Variants in RIF1 observed in about 807,000 individuals in gnomAD.
RIF1 encodes the protein telomere-associated protein RIF1.
A neutral mutation model predicts 247.1 loss-of-function variants in RIF1; 45 were observed. The observed-to-expected ratio is 0.18, with a 90% confidence interval of 0.14 to 0.23. RIF1 has a LOEUF of 0.23. Among genes scored for constraint, RIF1 ranks in the 10% least tolerant of loss-of-function variants. RIF1 has a pLI of 1.00. For missense variants in RIF1, 2,967 were observed against 2,862.5 expected (o/e 1.04, Z -0.83); for synonymous variants, 1,087 against 978.8 (o/e 1.11, Z -2.06).
At chr2:151,433,022 A>T in intron 9 of RIF1, 55 bp from the exon 10 acceptor site, 1 of 1,365,498 alleles carries the variant, frequency 7.3e-7, no homozygotes, top group Non-Finnish European at 1.0e-6. Flanking sequence ...AGCTAGTGTT[A>T]GAGTTAATCT....
intron 32 of RIF1, 37 bp downstream of exon 32, chr2:151,468,588 T>C (rs764808001): frequency 3.2e-5 from 51 of 1,604,282 alleles, no homozygotes; most frequent in Non-Finnish European, 4.3e-5. Flanking sequence ...ACTTTATATT[T>C]TCATGTTCAG....
At chr2:151,522,273 G>C in the RIF1 span, among the ~76,000 whole-genome samples, 1 of 152,154 alleles carries the variant, frequency 6.6e-6, no homozygotes, top group Admixed American at 6.5e-5. Context: ...CCGAGAATTA[G>C]AAAAGCTATT....
intron 9 of RIF1, chr2:151,494,191 T>A: frequency 6.2e-7 from 1 of 1,608,232 alleles, no homozygotes; most frequent in African/African-American, 1.3e-5. Context: ...TGCGTTTGAC[T>A]CTCTGCATCT....
At chr2:151,439,667 C>CAAA (rs34523432) in intron 14 of RIF1, among the ~76,000 whole-genome samples, 1 of 109,938 alleles carries the variant, frequency 9.1e-6, no homozygotes, top group African/African-American at 3.3e-5. Flanking sequence ...GAAACTCCAT[C>CAAA]AAAAAAAAAA....
Position 151,473,133 on chromosome 2 carries a change from G to A in RIF1, c.7096-831G>A, listed in dbSNP as rs2048684293. ...CTGCTGTGTCTGCAAGTTTTTATAT[G>A]GATAGATGATTTCATTTCTCTTGTA... is the stretch of plus-strand genomic sequence containing the variant. On this transcript the variant is annotated intron_variant, in intron 34 of 35. Coordinates refer to ENST00000444746, the MANE Select transcript of RIF1 (RefSeq NM_018151.5). Among the ~76,000 whole-genome samples the A allele has an allele frequency of 2.6e-5, 4 of 152,096 alleles. No homozygotes were observed. In the South Asian group the frequency reaches 8.3e-4, roughly 32 times the overall value.
rs369324532 is a variant in RIF1, at chr2:151,463,137, C to A, written c.3617C>A (p.Thr1206Asn). 1.6e-4 allele frequency: 253 copies of A among 1,613,956 alleles called. No individual in the cohort carries two copies. The highest frequency in any genetic ancestry group is 4.9e-4 in the Middle Eastern group (3 of 6,084). The change falls in exon 30 of 36, where the codon ACT becomes AAT. Residue 1206 changes from threonine (T) to asparagine (N), a missense_variant. Coordinates refer to ENST00000444746, the MANE Select transcript of RIF1 (RefSeq NM_018151.5). ...AGCAGTAGTTCAGTTTCTAATACCA[C>A]TGTTGCTGGAACTCCCCCATACCCT... ...VVSSSSVSNT[T>N]VAGTPPYPTS...
intron 10 of RIF1, chr2:151,497,066 C>G: frequency 3.9e-6 from 6 of 1,545,576 alleles, no homozygotes; most frequent in Non-Finnish European, 3.5e-6. Flanking sequence ...GAAAAACAAC[C>G]ATGAGTAACA....
chr2:151,485,859 G>A (rs2049826815), downstream of RIF1: 4 of 1,614,000 alleles, frequency 2.5e-6, no homozygotes, highest in Non-Finnish European at 3.4e-6. Context: ...GAACATTTAT[G>A]ATGGCATCTC....
intron 10 of RIF1, chr2:151,497,893 T>C: frequency 6.7e-7 from 1 of 1,486,638 alleles, no homozygotes; most frequent in South Asian, 1.4e-5. Flanking sequence ...CTGCACCCTC[T>C]AGAGAAGCAG....
intron 6 of RIF1, among the ~76,000 whole-genome samples, chr2:151,419,362 T>C (rs1050424211): frequency 1.3e-5 from 2 of 152,136 alleles, no homozygotes; most frequent in African/African-American, 4.8e-5. Flanking sequence ...AATCTTGCTC[T>C]GTCACCAGGC....
chr2:151,420,496 G>C, intron 7 of RIF1, 117 bp downstream of exon 7: 1 of 937,612 alleles, frequency 1.1e-6, no homozygotes, highest in East Asian at 2.6e-5. Flanking sequence ...CCCAAAGCGG[G>C]AGGCTGAGGT....
intron 13 of RIF1, among the ~76,000 whole-genome samples, chr2:151,437,828 A>T (rs1691531478): frequency 6.6e-6 from 1 of 152,252 alleles, no homozygotes. Flanking sequence ...ACAAATGAGA[A>T]AATGGGTTAT....
chr2:151,512,981 G>T, downstream of RIF1: 3 of 648,272 alleles, frequency 4.6e-6, no homozygotes, highest in Non-Finnish European at 8.1e-6. Flanking sequence ...TTCCTATTTT[G>T]TTCATAGTTT....
At chr2:151,438,612 G>C in intron 13 of RIF1, 72 bp from the exon 14 acceptor site, 2 of 932,720 alleles carry the variant, frequency 2.1e-6, no homozygotes, top group Non-Finnish European at 3.6e-6. Context: ...AGGAAGTAAA[G>C]GGAGAGTGTT....
chr2:151,465,309 A>T lies in RIF1; in HGVS notation c.5789A>T (p.Gln1930Leu). ...NVGNEASFHG[Q>L]ERTKTGISEE... ...GGAAATGAAGCTAGCTTTCATGGAC[A>T]AGAGAGAACCAAAACTGGTATTTCT... Residue 1930 changes from glutamine (Q) to leucine (L), a missense_variant, in exon 30 of 36, where the codon CAA becomes CTA. This residue lies in a region of RIF1 where 2,028 missense variants were observed against 1,825.6 expected (regional missense o/e 1.11). Transcript: ENST00000444746. 1.2e-6 allele frequency: 2 copies of T among 1,613,826 alleles called. No individual in the cohort carries two copies. The highest frequency in any genetic ancestry group is 1.7e-6 in the Non-Finnish European group (2 of 1,179,970).
At chr2:151,503,014 T>G in intron 11 of RIF1, 1 of 627,582 alleles carries the variant, frequency 1.6e-6, no homozygotes, top group Non-Finnish European at 2.8e-6. Flanking sequence ...GTAAGGATAA[T>G]GTTTTTACTT....
At chr2:151,532,529 T>C in the RIF1 span, among the ~76,000 whole-genome samples, 2 of 152,166 alleles carry the variant, frequency 1.3e-5, no homozygotes, top group Non-Finnish European at 2.9e-5. Flanking sequence ...GAAGCTGTTT[T>C]AAGCAGGACA....
At chr2:151,495,309 G>T (rs1220165413) in exon 10 of RIF1, 1 of 152,138 alleles carries the variant, frequency 6.6e-6, no homozygotes, top group Middle Eastern at 3.2e-3. Flanking sequence ...TCTCAACGTG[G>T]GGTCCTTGGA....
At chr2:151,469,345 T>C (rs1697441469) in intron 33 of RIF1, among the ~76,000 whole-genome samples, 1 of 152,212 alleles carries the variant, frequency 6.6e-6, no homozygotes, top group African/African-American at 2.4e-5. Flanking sequence ...CAATAGGAGA[T>C]GAAGTATTCT....
Sources: gnomAD v4.1 joint callset for allele counts (sites outside exome capture counted in the v4.1 genomes callset) on GRCh38, gnomAD v4.1.1 for gene constraint, gnomAD v4.1.1 regional missense constraint, MANE v1.5 for transcripts, NCBI Gene and HGNC (gene_info 2026-07-23, HGNC 2026-07-21) for gene names.